Variants in DMRT1 observed in about 807,000 individuals in gnomAD.
The protein encoded by DMRT1 is doublesex- and mab-3-related transcription factor 1.
In DMRT1, 7 loss-of-function variants were observed where a neutral mutation model predicts 32.3. That is an observed-to-expected ratio of 0.22 (90% CI 0.12 to 0.41). The LOEUF is 0.41. DMRT1 is among the 10% of genes least tolerant of loss of function. The pLI, the probability that DMRT1 is intolerant of heterozygous loss-of-function variation, is 1.00. For missense variants in DMRT1, 625 were observed against 500.5 expected (o/e 1.25, Z -2.37); for synonymous variants, 278 against 206.1 (o/e 1.35, Z -2.99).
chr9:859,230 GTGCTGCTCTAACC>G (rs1276765796), intron 2 of DMRT1, among the ~76,000 whole-genome samples: 1 of 152,076 alleles, frequency 6.6e-6, no homozygotes, highest in African/African-American at 2.4e-5. Flanking sequence ...TTTGTTTTAA[GTGCTGCTCTAACC>G]TGTGCCTCTT....
At chr9:935,669 T>A (rs1290941028) in intron 4 of DMRT1, among the ~76,000 whole-genome samples, 3 of 152,206 alleles carry the variant, frequency 2.0e-5, no homozygotes, top group Non-Finnish European at 4.4e-5. Flanking sequence ...TTTTCATGAA[T>A]CAGTGTCGGG....
chr9:936,024 T>TA (rs1818874750), intron 4 of DMRT1, among the ~76,000 whole-genome samples: 1 of 152,186 alleles, frequency 6.6e-6, no homozygotes, highest in Non-Finnish European at 1.5e-5. Context: ...CAACTCTGAG[T>TA]AGCAGCCTGT....
chr9:853,633 T>C (rs1480600282), intron 2 of DMRT1, among the ~76,000 whole-genome samples: 2 of 151,924 alleles, frequency 1.3e-5, no homozygotes, highest in Non-Finnish European at 2.9e-5. Flanking sequence ...CCACCAAACC[T>C]GGCTAATTTT....
intron 4 of DMRT1, among the ~76,000 whole-genome samples, chr9:930,102 C>T (rs1429401936): frequency 6.6e-6 from 1 of 152,152 alleles, no homozygotes; most frequent in African/African-American, 2.4e-5. Flanking sequence ...ATTAGAGAAA[C>T]CAGGATTACA....
intron 2 of DMRT1, among the ~76,000 whole-genome samples, chr9:849,047 G>A: frequency 6.6e-6 from 1 of 151,274 alleles, no homozygotes; most frequent in Non-Finnish European, 1.5e-5. Context: ...CCAGTGCCAG[G>A]TTTTCCATAG....
At chr9:912,062 G>T (rs1410411207) in intron 3 of DMRT1, among the ~76,000 whole-genome samples, 1 of 152,174 alleles carries the variant, frequency 6.6e-6, no homozygotes, top group Admixed American at 6.5e-5. Flanking sequence ...CTGGGGAGGC[G>T]TCAGGAAACT....
intron 2 of DMRT1, among the ~76,000 whole-genome samples, chr9:867,483 G>A (rs182005906): frequency 2.6e-5 from 4 of 152,214 alleles, no homozygotes; most frequent in Non-Finnish European, 5.9e-5. Context: ...CTCATTTACC[G>A]AGTGTCTGCC....
chr9:847,286 C>T (rs1290054453), intron 2 of DMRT1, 143 bp downstream of exon 2: 14 of 834,900 alleles, frequency 1.7e-5, no homozygotes, highest in Non-Finnish European at 1.8e-6. Flanking sequence ...CTGTGAAGGG[C>T]TGTTTGTGCC....
chr9:955,438 C>G (rs1255411198), intron 4 of DMRT1, among the ~76,000 whole-genome samples: 2 of 152,192 alleles, frequency 1.3e-5, no homozygotes, highest in African/African-American at 4.8e-5. Context: ...GGTGTGGTGG[C>G]TCACGCCTGT....
intron 4 of DMRT1, among the ~76,000 whole-genome samples, chr9:945,507 A>G (rs1173417167): frequency 1.3e-5 from 2 of 152,212 alleles, no homozygotes; most frequent in African/African-American, 2.4e-5. Flanking sequence ...ACTTTCATCA[A>G]GATGAAACTT....
At chr9:886,024 TAG>T (rs142161257) in intron 2 of DMRT1, among the ~76,000 whole-genome samples, 6 of 152,272 alleles carry the variant, frequency 3.9e-5, no homozygotes, top group East Asian at 1.9e-4. Flanking sequence ...TCTAGAAAAA[TAG>T]AGAGTGAGAT....
Position 843,858 on chromosome 9 carries a change from T to G in DMRT1, c.354+1666T>G, listed in dbSNP as rs570978012. Among the ~76,000 whole-genome samples the G allele has an allele frequency of 2.0e-5, 3 of 152,360 alleles. No individual in the cohort carries two copies. In the East Asian group the frequency reaches 5.8e-4, roughly 29 times the overall value. On this transcript the variant is annotated intron_variant, in intron 1 of 4. Coordinates refer to ENST00000382276, the MANE Select transcript of DMRT1 (RefSeq NM_021951.3). ...ACTAAACGTATTTTGGCTTCACAGA[T>G]GGCGAGTGCAGTCATGAAAATAGAT...
chr9:869,458 T>A (rs1047433959), intron 2 of DMRT1, among the ~76,000 whole-genome samples: 1 of 152,222 alleles, frequency 6.6e-6, no homozygotes. Flanking sequence ...AATTCAGAAC[T>A]TTTTGAATTT....
intron 3 of DMRT1, 103 bp from the exon 4 acceptor site, chr9:916,660 C>CA: frequency 7.0e-7 from 1 of 1,431,286 alleles, no homozygotes; most frequent in South Asian, 1.2e-5. Flanking sequence ...GCATGAGCCA[C>CA]TGTGCCCAGC....
intron 4 of DMRT1, among the ~76,000 whole-genome samples, chr9:924,070 C>CT (rs1554757297): frequency 0.11 from 9,237 of 87,002 alleles, 473 homozygotes; most frequent in Middle Eastern, 0.23. Flanking sequence ...TGATCAATCT[C>CT]TTTTTTTTTT....
chr9:868,059 C>T (rs1401602178), intron 2 of DMRT1, among the ~76,000 whole-genome samples: 1 of 152,182 alleles, frequency 6.6e-6, no homozygotes, highest in Non-Finnish European at 1.5e-5. Context: ...CTCACTGCAG[C>T]CTTGACTTCC....
chr9:946,135 CT>C lies in DMRT1; in HGVS notation c.968-21838del, dbSNP rs1174891518. On this transcript the variant is annotated intron_variant, in intron 4 of 4. Coordinates refer to ENST00000382276, the MANE Select transcript of DMRT1 (RefSeq NM_021951.3). ...GCAGTCATGTTATTTTTCTTTCTTT[CT>C]TTTTTTTTTTTGATGTGACAAACAA... 2.5e-3 allele frequency among the ~76,000 whole-genome samples: 356 copies of C among 143,044 alleles called. 1 individual carries two copies. Among genetic ancestry groups the C allele is most frequent in the Middle Eastern group, 3.6e-3 (1 of 280 alleles). 93.8% of individuals were successfully genotyped at this position (143,044 alleles called of 152,430 possible).
intron 2 of DMRT1, among the ~76,000 whole-genome samples, chr9:878,757 G>A (rs1816613195): frequency 6.6e-6 from 1 of 152,154 alleles, no homozygotes; most frequent in South Asian, 2.1e-4. Flanking sequence ...AACAATAATA[G>A]CTAACATTTA....
At chr9:887,106 A>AGTGATT (rs1564225016) in intron 2 of DMRT1, among the ~76,000 whole-genome samples, 1 of 152,164 alleles carries the variant, frequency 6.6e-6, no homozygotes, top group Admixed American at 6.6e-5. Flanking sequence ...CAGGAGAATC[A>AGTGATT]CTTGAACCTG....
Sources: gnomAD v4.1 joint callset for allele counts (sites outside exome capture counted in the v4.1 genomes callset) on GRCh38, gnomAD v4.1.1 for gene constraint, MANE v1.5 for transcripts, NCBI Gene and HGNC (gene_info 2026-07-23, HGNC 2026-07-21) for gene names.